The following FRMD5 variants were observed in gnomAD, a reference collection of about 807,000 sequenced individuals.
The protein encoded by FRMD5 is FERM domain-containing protein 5.
FRMD5 carries 20 observed loss-of-function variants against 69.0 expected under a neutral mutation model. That is an observed-to-expected ratio of 0.29 (90% CI 0.20 to 0.42). The LOEUF (loss-of-function observed/expected upper bound fraction) is 0.42. Among genes scored for constraint, FRMD5 ranks in the 10% least tolerant of loss-of-function variants. The probability of loss-of-function intolerance (pLI) is 1.00; values close to 1 mark genes in which losing one functional copy is unlikely to be tolerated. For synonymous variants in FRMD5, 271 were observed against 260.1 expected, an observed-to-expected ratio of 1.04 and a Z score of -0.40; for missense variants, 595 against 708.6, an observed-to-expected ratio of 0.84 and a Z score of 1.82.
chr15:43,943,810 T>C (rs1016419792), intron 1 of FRMD5, among the ~76,000 whole-genome samples: 6 of 152,216 alleles, frequency 3.9e-5, no homozygotes, highest in Non-Finnish European at 1.5e-5. Context: ...AAACTTCTAG[T>C]TTCCAGAACT....
chr15:43,980,981 G>C (rs1163631849), intron 1 of FRMD5, among the ~76,000 whole-genome samples: 1 of 152,076 alleles, frequency 6.6e-6, no homozygotes, highest in Non-Finnish European at 1.5e-5. Context: ...AAGGCTTACT[G>C]ATAACATAGT....
intron 6 of FRMD5, among the ~76,000 whole-genome samples, chr15:43,904,326 T>G (rs1223927723): frequency 6.6e-6 from 1 of 152,136 alleles, no homozygotes; most frequent in Non-Finnish European, 1.5e-5. Context: ...TTTTAAAATA[T>G]TTTTTTAAAG....
At position 44,017,614 on chromosome 15, in the gene FRMD5, CT is replaced by C. The variant is rs34121302; in HGVS notation, c.103-93306del. Among the ~76,000 whole-genome samples the C allele has an allele frequency of 4.2e-3, 568 of 135,254 alleles. 1 individual carries two copies. The highest frequency in any genetic ancestry group is 0.01 in the African/African-American group (371 of 36,976). The allele number at this position is 135,254 out of a possible 152,430, so 88.7% of individuals were successfully genotyped here. ...TAATAGCATTAATCCCCAAATATTTCTTTTTTTTTTTTTTTTGAGACTGGCT... is the reference window on the plus strand; with the variant it reads ...TAATAGCATTAATCCCCAAATATTTCTTTTTTTTTTTTTTTGAGACTGGCT... On this transcript the variant is annotated intron_variant, in intron 1 of 13. Transcript: ENST00000417257.
chr15:43,908,163 C>CA (rs1016520154), intron 5 of FRMD5, among the ~76,000 whole-genome samples: 76 of 151,880 alleles, frequency 5.0e-4, no homozygotes, highest in African/African-American at 1.8e-3. Flanking sequence ...CCCATCTCTA[C>CA]AAAAAAATTA....
chr15:44,149,802 T>G (rs1047594913), intron 1 of FRMD5, among the ~76,000 whole-genome samples: 3 of 152,158 alleles, frequency 2.0e-5, no homozygotes, highest in Non-Finnish European at 4.4e-5. Flanking sequence ...ATTCTCATTC[T>G]AGGAGGGCAG....
Position 43,937,217 on chromosome 15 carries a change from A to G in FRMD5, c.103-12908T>C, listed in dbSNP as rs568080967. ...CATCCTGACACCTAGACAAAATGGCATAGGATCATTGGGCTTCAGATCAAT... is the reference window on the plus strand; with the variant it reads ...CATCCTGACACCTAGACAAAATGGCGTAGGATCATTGGGCTTCAGATCAAT... On this transcript the variant is annotated intron_variant, in intron 1 of 13. Transcript: ENST00000417257. Among the ~76,000 whole-genome samples the G allele has an allele frequency of 2.0e-5, 3 of 152,336 alleles. No individual in the cohort carries two copies. The South Asian group carries it at 6.2e-4, about 32-fold the overall frequency.
At chr15:43,902,932 AAC>A (rs2089081755) in intron 6 of FRMD5, among the ~76,000 whole-genome samples, 1 of 152,204 alleles carries the variant, frequency 6.6e-6, no homozygotes, top group African/African-American at 2.4e-5. Context: ...GCCAAAAGGA[AAC>A]ACAGGAAATT....
chr15:43,940,685 A>G (rs905863806), intron 1 of FRMD5, among the ~76,000 whole-genome samples: 1 of 152,222 alleles, frequency 6.6e-6, no homozygotes, highest in East Asian at 1.9e-4. Context: ...GGTGAGCTAT[A>G]ATAGGCAATA....
At chr15:44,164,986 G>A (rs998055162) in intron 1 of FRMD5, among the ~76,000 whole-genome samples, 3 of 152,312 alleles carry the variant, frequency 2.0e-5, no homozygotes, top group Admixed American at 6.5e-5. Flanking sequence ...GACTGGCTCT[G>A]TAGTAGTATT....
chr15:43,975,599 T>A (rs1329581023), intron 1 of FRMD5, among the ~76,000 whole-genome samples: 1 of 152,060 alleles, frequency 6.6e-6, no homozygotes, highest in East Asian at 1.9e-4. Flanking sequence ...AGGAAAACAA[T>A]AAGACGTTGC....
chr15:43,885,622 G>A, intron 11 of FRMD5, 59 bp downstream of exon 11: 2 of 1,422,210 alleles, frequency 1.4e-6, no homozygotes, highest in South Asian at 1.1e-5. Context: ...GGACCACTGA[G>A]TTCTCCAGAG....
At chr15:44,078,771 A>G (rs1173939281) in intron 1 of FRMD5, among the ~76,000 whole-genome samples, 1 of 152,184 alleles carries the variant, frequency 6.6e-6, no homozygotes, top group Admixed American at 6.6e-5. Context: ...TATACAATAT[A>G]CAAAAATTAA....
intron 1 of FRMD5, among the ~76,000 whole-genome samples, chr15:44,065,894 G>A (rs985915038): frequency 2.0e-5 from 3 of 152,126 alleles, no homozygotes; most frequent in Non-Finnish European, 4.4e-5. Context: ...ATTCAAAACA[G>A]ATGATACAGT....
chr15:44,162,084 C>A (rs1360974138), intron 1 of FRMD5, among the ~76,000 whole-genome samples: 1 of 152,126 alleles, frequency 6.6e-6, no homozygotes, highest in Non-Finnish European at 1.5e-5. Context: ...CCTGCCTCAG[C>A]CTCCTGAGAA....
intron 1 of FRMD5, among the ~76,000 whole-genome samples, chr15:44,149,042 A>C (rs2077403136): frequency 1.3e-5 from 2 of 152,208 alleles, no homozygotes; most frequent in South Asian, 4.1e-4. Flanking sequence ...TTTTCTACAT[A>C]ATTTAAGAGA....
intron 1 of FRMD5, among the ~76,000 whole-genome samples, chr15:44,141,225 C>CA (rs562166652): frequency 8.6e-5 from 13 of 151,318 alleles, no homozygotes; most frequent in East Asian, 5.8e-4. Flanking sequence ...CAAATTATGC[C>CA]AAAAAAAATC....
intron 1 of FRMD5, among the ~76,000 whole-genome samples, chr15:44,114,394 C>T (rs965072867): frequency 1.3e-5 from 2 of 152,134 alleles, no homozygotes; most frequent in Non-Finnish European, 2.9e-5. Flanking sequence ...CTGTGTTCAC[C>T]AAGCCACTTT....
intron 1 of FRMD5, among the ~76,000 whole-genome samples, chr15:44,144,466 T>C (rs1187963405): frequency 1.3e-5 from 2 of 152,130 alleles, no homozygotes; most frequent in Non-Finnish European, 2.9e-5. Context: ...GGAGTTTCCA[T>C]CTATTTCATT....
intron 1 of FRMD5, among the ~76,000 whole-genome samples, chr15:43,984,719 C>T (rs1889299924): frequency 6.6e-6 from 1 of 152,226 alleles, no homozygotes; most frequent in Admixed American, 6.5e-5. Context: ...CGCAGTGGCT[C>T]ACGCCTGTAA....
Sources: allele counts gnomAD v4.1 joint callset (sites outside exome capture counted in the v4.1 genomes callset), GRCh38; gene constraint gnomAD v4.1.1; transcripts MANE v1.5; gene names NCBI Gene and HGNC (gene_info 2026-07-23, HGNC 2026-07-21).